The following RPS27L variants were observed in gnomAD, a reference collection of about 807,000 sequenced individuals.
RPS27L encodes the protein ribosomal protein S27 like, also known as ribosomal protein eS27-like.
RPS27L carries 10 observed loss-of-function variants against 12.8 expected under a neutral mutation model. The observed-to-expected ratio is 0.78, with a 90% confidence interval of 0.48 to 1.33. The LOEUF (loss-of-function observed/expected upper bound fraction) is 1.33. Ranked by LOEUF, RPS27L falls within the 40% of genes most tolerant of loss-of-function variation. RPS27L has a pLI of 0.00. For missense variants in RPS27L, 81 were observed against 97.4 expected, an observed-to-expected ratio of 0.83 and a Z score of 0.71; for synonymous variants, 26 against 32.3, an observed-to-expected ratio of 0.81 and a Z score of 0.66.
At position 63,155,601 on chromosome 15, in the gene RPS27L, G is replaced by A. The variant is rs376844960; in HGVS notation, c.226+20C>T. ...AATCATCAATCTCATCACTGGGTTG[G>A]AGAATGCCAAATGATATACCTTCTG... On this transcript the variant is annotated intron_variant, in intron 3 of 3. Coordinates refer to ENST00000330964, the MANE Select transcript of RPS27L (RefSeq NM_015920.4). 2.7e-6 allele frequency: 4 copies of A among 1,481,520 alleles called. No individual in the cohort carries two copies. The highest frequency in any genetic ancestry group is 2.8e-6 in the Non-Finnish European group (3 of 1,074,092). The allele number at this position is 1,481,520 out of a possible 1,614,324, so 91.8% of individuals were successfully genotyped here.
Position 63,151,676 on chromosome 15 carries a change from G to A in RPS27L, c.*2356C>T, listed in dbSNP as rs1333777875. ...TCCCACTGTCTCTCCTTATAGCCAA[G>A]TATCCTAAACTGTGCAAGCTGAAGT... On this transcript the variant is annotated 3_prime_UTR_variant, in exon 4 of 4. Transcript: ENST00000330964. 1.3e-5 allele frequency: 2 copies of A among 152,132 alleles called. No homozygotes were observed. The highest frequency in any genetic ancestry group is 4.8e-5 in the African/African-American group (2 of 41,430). The allele number at this position is 152,132 out of a possible 1,614,324, so 9.4% of individuals were successfully genotyped here. A position where few individuals can be genotyped will look rare whatever the true frequency, so the allele number is the denominator to read the frequency against.
At position 63,153,741 on chromosome 15, in the gene RPS27L, A is replaced by AAT; in HGVS notation, c.*290_*291insAT. The AAT allele has an allele frequency of 3.3e-6, 1 of 302,282 alleles. No individual in the cohort carries two copies. The allele number at this position is 302,282 out of a possible 1,614,324, so 18.7% of individuals were successfully genotyped here. A position where few individuals can be genotyped will look rare whatever the true frequency, so the allele number is the denominator to read the frequency against. On this transcript the variant is annotated 3_prime_UTR_variant, in exon 4 of 4. Transcript: ENST00000330964. ...CTCTCTCTCTCAAAAAAAAAAAAAA[A>AAT]GACACAAACTAATCAGAATAAATTT... is the stretch of plus-strand genomic sequence containing the variant.
chr15:63,155,735 A>C lies in RPS27L; in HGVS notation c.116-4T>G, dbSNP rs1490304863. 2.8e-6 allele frequency: 3 copies of C among 1,072,218 alleles called. No homozygotes were observed. The highest frequency in any genetic ancestry group is 4.4e-5 in the South Asian group (2 of 45,478). The allele number at this position is 1,072,218 out of a possible 1,614,324, so 66.4% of individuals were successfully genotyped here. On this transcript the variant is annotated splice_region_variant and splice_polypyrimidine_tract_variant and intron_variant, in intron 2 of 3. Transcript: ENST00000330964. ...ACCGTGGTGATCTTGTAGCAACCTA[A>C]AAAAAAAAAAAGGCAATGTTAAAAA...
chr15:63,156,788 G>A, intron 1 of RPS27L: 1 of 581,626 alleles, frequency 1.7e-6, no homozygotes, highest in Non-Finnish European at 3.0e-6. Context: ...TTACTCAACT[G>A]CGTAATGAAC....
intron 3 of RPS27L, chr15:63,155,356 CTTCTA>C: frequency 2.5e-6 from 1 of 392,646 alleles, no homozygotes; most frequent in Admixed American, 4.4e-5. Flanking sequence ...TATTCTTTTG[CTTCTA>C]TTCTGACTTA....
Position 63,154,054 on chromosome 15 carries a change from G to T in RPS27L, c.233C>A (p.Ser78Ter), listed in dbSNP as rs773310141. Residue 78 changes from serine to a stop codon, truncating the protein, a stop_gained, in exon 4 of 4, where the codon TCA becomes TAA. Coordinates refer to ENST00000330964, the MANE Select transcript of RPS27L (RefSeq NM_015920.4). LOFTEE classifies it high-confidence loss of function. Reference sequence around the variant, plus strand: ...TCATTAGTGTTGCTTTCTTCTAAATGAACACCCTGCAAAAGAATCATGAGA... The same window carrying T: ...TCATTAGTGTTGCTTTCTTCTAAATTAACACCCTGCAAAAGAATCATGAGA... ...GGKARLTEGC[S>*]FRRKQH 8.1e-6 allele frequency: 13 copies of T among 1,607,778 alleles called. No individual in the cohort carries two copies.
chr15:63,154,116 T>A, intron 3 of RPS27L, 56 bp from the exon 4 acceptor site: 1 of 1,429,468 alleles, frequency 7.0e-7, no homozygotes, highest in Non-Finnish European at 9.8e-7. Context: ...TTGCTATAAT[T>A]TTAATGACAA....
At chr15:63,155,979 G>A (rs369315140) in intron 2 of RPS27L, among the ~76,000 whole-genome samples, 3 of 151,272 alleles carry the variant, frequency 2.0e-5, no homozygotes, top group Non-Finnish European at 3.0e-5. Context: ...TTTTTTTTCT[G>A]TGCTACATCG....
chr15:63,157,352 C>T (rs1438860113), intron 1 of RPS27L, 48 bp downstream of exon 1: 3 of 1,610,268 alleles, frequency 1.9e-6, no homozygotes, highest in African/African-American at 2.7e-5. Context: ...ATATGACTCT[C>T]GGTAAAGAAG....
chr15:63,156,850 C>T, intron 1 of RPS27L: 1 of 507,790 alleles, frequency 2.0e-6, no homozygotes, highest in East Asian at 3.7e-5. Flanking sequence ...AGAAAGTGAC[C>T]CCGACTGTGG....
At chr15:63,156,739 C>T in intron 1 of RPS27L, 1 of 606,634 alleles carries the variant, frequency 1.6e-6, no homozygotes. Flanking sequence ...GGCTTTCGCA[C>T]GATCAGGAAA....
At chr15:63,156,774 T>G in intron 1 of RPS27L, 1 of 589,152 alleles carries the variant, frequency 1.7e-6, no homozygotes, top group Non-Finnish European at 2.9e-6. Context: ...AACTTTGTCC[T>G]TCTTTACTCA....
Position 63,155,724 on chromosome 15 carries a change from G to A in RPS27L, c.123C>T (p.Tyr41=). 20 of 1,466,046 alleles carry A rather than the reference G, an allele frequency of 1.4e-5. No homozygotes were observed. Among genetic ancestry groups the A allele is most frequent in the Non-Finnish European group, 1.8e-5 (20 of 1,101,678 alleles). 90.8% of individuals were successfully genotyped at this position (1,466,046 alleles called of 1,614,324 possible). The change falls in exon 3 of 4, where the codon TAC becomes TAT. Residue 41 remains tyrosine, a synonymous_variant. Transcript: ENST00000330964. ...YFMDVKCPGC[Y]KITTVFSHAQ... ...CATGGCTGAAAACCGTGGTGATCTT[G>A]TAGCAACCTAAAAAAAAAAAAAGGC...
Position 63,154,006 on chromosome 15 carries a change from T to A in RPS27L, c.*26A>T. On this transcript the variant is annotated 3_prime_UTR_variant, in exon 4 of 4. Transcript: ENST00000330964. ...GGCTTTCTGTGAGACAACACAAAAT[T>A]AAAATTCAGGAAGCTGTTTGAATCA... 1 of 1,237,802 alleles carries A rather than the reference T, an allele frequency of 8.1e-7. No individual in the cohort carries two copies. Among genetic ancestry groups the A allele is most frequent in the Non-Finnish European group, 1.0e-6 (1 of 953,700 alleles). The allele number at this position is 1,237,802 out of a possible 1,614,324, so 76.7% of individuals were successfully genotyped here.
intron 3 of RPS27L, 37 bp from the exon 4 acceptor site, chr15:63,154,097 A>C (rs1483665330): frequency 1.9e-6 from 3 of 1,545,500 alleles, no homozygotes; most frequent in East Asian, 2.3e-5. Context: ...AAACAAGTGC[A>C]TTCTACCTTT....
intron 1 of RPS27L, 125 bp from the exon 2 acceptor site, chr15:63,156,646 T>A (rs1221833691): frequency 2.9e-6 from 2 of 688,782 alleles, no homozygotes; most frequent in Non-Finnish European, 5.1e-6. Context: ...ACACGTCAGA[T>A]AGTAAAGTTA....
At position 63,157,427 on chromosome 15, in the gene RPS27L, GC is replaced by G; in HGVS notation, c.-23del. On this transcript the variant is annotated 5_prime_UTR_variant, in exon 1 of 4. Transcript: ENST00000330964. ...GCATGTTGATCCTCTTGCAAGCTCA[GC>G]CCTACCAGACCTCCCAGCCCACACA... 1.2e-6 allele frequency: 2 copies of G among 1,613,994 alleles called. No homozygotes were observed. Among genetic ancestry groups the G allele is most frequent in the African/African-American group, 2.7e-5 (2 of 75,032 alleles).
At chr15:63,154,751 T>C in intron 3 of RPS27L, 1 of 152,068 alleles carries the variant, frequency 6.6e-6, no homozygotes, top group Non-Finnish European at 1.5e-5. Flanking sequence ...TTACAAGTAT[T>C]ACTATGGAAA....
rs1284471394 is a variant in RPS27L, at chr15:63,154,004, A to G, written c.*28T>C. On this transcript the variant is annotated 3_prime_UTR_variant, in exon 4 of 4. Transcript: ENST00000330964. The stretch of plus-strand genomic sequence containing the variant: ...AAGGCTTTCTGTGAGACAACACAAA[A>G]TTAAAATTCAGGAAGCTGTTTGAAT... 17 of 1,232,908 alleles carry G rather than the reference A, an allele frequency of 1.4e-5. No homozygotes were observed. Among genetic ancestry groups the G allele is most frequent in the Non-Finnish European group, 1.7e-5 (16 of 949,348 alleles). 76.4% of individuals were successfully genotyped at this position (1,232,908 alleles called of 1,614,324 possible).
Sources: gnomAD v4.1 joint callset for allele counts (sites outside exome capture counted in the v4.1 genomes callset) on GRCh38, gnomAD v4.1.1 for gene constraint, MANE v1.5 for transcripts, NCBI Gene and HGNC (gene_info 2026-07-23, HGNC 2026-07-21) for gene names.